The following STAU2 variants were observed in gnomAD, a reference collection of about 807,000 sequenced individuals.
STAU2 encodes the protein double-stranded RNA-binding protein Staufen homolog 2.
In STAU2, 20 loss-of-function variants were observed where a neutral mutation model predicts 65.9. That is an observed-to-expected ratio of 0.30 (90% CI 0.21 to 0.44). The LOEUF (loss-of-function observed/expected upper bound fraction) is 0.44. STAU2 is among the 20% of genes least tolerant of loss of function. STAU2 has a pLI of 1.00. For synonymous variants in STAU2, 232 were observed against 233.9 expected (o/e 0.99, Z 0.07); for missense variants, 558 against 683.9 (o/e 0.82, Z 2.05).
intron 12 of STAU2, among the ~76,000 whole-genome samples, chr8:73,565,793 G>A (rs1808560888): frequency 6.6e-6 from 1 of 152,164 alleles, no homozygotes; most frequent in Non-Finnish European, 1.5e-5. Context: ...TTATTGAGAA[G>A]TCTGGTGATA....
rs58519827 is a variant in STAU2, at chr8:73,436,796, G to A, written c.1531-14094C>T. Among the ~76,000 whole-genome samples, 753 of 151,762 alleles carry A rather than the reference G, an allele frequency of 5.0e-3. 5 individuals carry two copies. The highest frequency in any genetic ancestry group is 0.017 in the African/African-American group (717 of 41,352). On this transcript the variant is annotated intron_variant, in intron 13 of 14. Transcript: ENST00000524300. ...GAGACGGGTTTTCACCATGTTGGCCGGGCTGGTCTCAAACTCCTGACCTCA... is the reference window on the plus strand; with the variant it reads ...GAGACGGGTTTTCACCATGTTGGCCAGGCTGGTCTCAAACTCCTGACCTCA...
chr8:73,510,753 C>T (rs181985643), intron 13 of STAU2, among the ~76,000 whole-genome samples: 35 of 152,290 alleles, frequency 2.3e-4, no homozygotes, highest in African/African-American at 6.5e-4. Flanking sequence ...AGAACTCACT[C>T]ACATCATGAG....
At chr8:73,543,841 T>C (rs769672934) in intron 13 of STAU2, among the ~76,000 whole-genome samples, 1 of 152,196 alleles carries the variant, frequency 6.6e-6, no homozygotes, top group Non-Finnish European at 1.5e-5. Context: ...CAATATTAAC[T>C]GTTTCTATGG....
intron 13 of STAU2, among the ~76,000 whole-genome samples, chr8:73,460,067 C>G (rs2128899164): frequency 6.6e-6 from 1 of 152,328 alleles, no homozygotes; most frequent in Middle Eastern, 3.4e-3. Flanking sequence ...TCTCCCTCTA[C>G]TCAGCAGTGG....
chr8:73,742,936 C>T (rs1806986242), intron 1 of STAU2, among the ~76,000 whole-genome samples: 1 of 152,038 alleles, frequency 6.6e-6, no homozygotes, highest in South Asian at 2.1e-4. Context: ...TATATCAGCA[C>T]CCATCCTACA....
chr8:73,619,146 G>A (rs1813048100), intron 6 of STAU2, among the ~76,000 whole-genome samples: 1 of 152,114 alleles, frequency 6.6e-6, no homozygotes, highest in Non-Finnish European at 1.5e-5. Flanking sequence ...ATAATATAAT[G>A]AGAACTCTGT....
intron 5 of STAU2, among the ~76,000 whole-genome samples, chr8:73,688,060 C>A (rs1006667509): frequency 6.6e-6 from 1 of 151,666 alleles, no homozygotes; most frequent in African/African-American, 2.4e-5. Flanking sequence ...ATTTTCTGTG[C>A]TTTGTATTCA....
At chr8:73,584,958 T>A (rs150291446) in intron 11 of STAU2, among the ~76,000 whole-genome samples, 329 of 152,324 alleles carry the variant, frequency 2.2e-3, no homozygotes, top group African/African-American at 7.2e-3. Context: ...TACCATACTT[T>A]TAATTTTATT....
rs4333589 is a variant in STAU2, at chr8:73,551,275, G to A, written c.1530+737C>T. On this transcript the variant is annotated intron_variant, in intron 13 of 14. Transcript: ENST00000524300. ...CCAGAAGGAAACAAAGAATAAATAG[G>A]GGAAAAAAAGTTTCCATCCCTAAAT... is the stretch of plus-strand genomic sequence containing the variant. The A allele has an allele frequency of 7.2e-3, 7,102 of 987,168 alleles. 245 individuals carry two copies. The African/African-American group carries it at 0.086, about 12-fold the overall frequency. The allele number at this position is 987,168 out of a possible 1,614,324, so 61.2% of individuals were successfully genotyped here.
At chr8:73,713,900 G>A (rs919618591) in intron 3 of STAU2, among the ~76,000 whole-genome samples, 1 of 151,742 alleles carries the variant, frequency 6.6e-6, no homozygotes, top group Non-Finnish European at 1.5e-5. Context: ...ACTTAAACAC[G>A]GTTTCTTTCC....
intron 3 of STAU2, among the ~76,000 whole-genome samples, chr8:73,716,932 C>G (rs559562288): frequency 1.3e-5 from 2 of 152,100 alleles, no homozygotes; most frequent in Admixed American, 1.3e-4. Flanking sequence ...GGTACCCCGC[C>G]TCTATTAAAA....
intron 3 of STAU2, among the ~76,000 whole-genome samples, chr8:73,736,994 A>G (rs1162211344): frequency 6.6e-6 from 1 of 152,158 alleles, no homozygotes; most frequent in Non-Finnish European, 1.5e-5. Flanking sequence ...CCTCCCAAGT[A>G]GCTGGGACTA....
At chr8:73,563,994 G>A (rs935968932) in intron 12 of STAU2, among the ~76,000 whole-genome samples, 2 of 152,090 alleles carry the variant, frequency 1.3e-5, no homozygotes, top group Non-Finnish European at 2.9e-5. Context: ...AGCCAAGAAT[G>A]GCCACACTGA....
intron 13 of STAU2, among the ~76,000 whole-genome samples, chr8:73,447,749 G>A (rs1818551766): frequency 6.6e-6 from 1 of 152,160 alleles, no homozygotes; most frequent in African/African-American, 2.4e-5. Flanking sequence ...CACCTGTACT[G>A]GTGGGGACAC....
chr8:73,598,506 T>C (rs753448623), intron 10 of STAU2, among the ~76,000 whole-genome samples: 7 of 152,108 alleles, frequency 4.6e-5, no homozygotes, highest in Non-Finnish European at 7.4e-5. Flanking sequence ...GGATTACAGG[T>C]GTGAGCCACC....
intron 1 of STAU2, among the ~76,000 whole-genome samples, chr8:73,745,349 AT>A (rs1341013331): frequency 5.3e-5 from 8 of 152,224 alleles, no homozygotes; most frequent in Admixed American, 5.2e-4. Context: ...ATTAAATAAG[AT>A]TTTTCCACCG....
At chr8:73,566,711 A>G (rs1258129799) in intron 12 of STAU2, among the ~76,000 whole-genome samples, 2 of 152,142 alleles carry the variant, frequency 1.3e-5, no homozygotes, top group Admixed American at 6.5e-5. Context: ...TATAAAATCA[A>G]CTGAGCCTCA....
intron 1 of STAU2, among the ~76,000 whole-genome samples, chr8:73,746,143 C>T (rs1035885508): frequency 5.9e-5 from 9 of 152,110 alleles, no homozygotes; most frequent in African/African-American, 1.9e-4. Context: ...TATATTTTGT[C>T]CCCTCGGCCC....
intron 6 of STAU2, among the ~76,000 whole-genome samples, chr8:73,654,656 A>AAAAACAAAAAAAAC (rs1816176082): frequency 7.1e-6 from 1 of 141,550 alleles, no homozygotes; most frequent in Non-Finnish European, 1.5e-5. Context: ...AAAAAAAAAA[A>AAAAACAAAAAAAAC]AAAAAGAACT....
Sources: gnomAD v4.1 joint callset for allele counts (sites outside exome capture counted in the v4.1 genomes callset) on GRCh38, gnomAD v4.1.1 for gene constraint, MANE v1.5 for transcripts, NCBI Gene and HGNC (gene_info 2026-07-23, HGNC 2026-07-21) for gene names.